BMP8B: variants seen among roughly 807,000 people sequenced by gnomAD.
The protein encoded by BMP8B is bone morphogenetic protein 8 (osteogenic protein 2).
Under a neutral mutation model 30.3 loss-of-function variants are expected in BMP8B, and 17 were observed. The ratio of observed to expected loss-of-function variants is 0.56; its 90% CI spans 0.38 to 0.84. The LOEUF (loss-of-function observed/expected upper bound fraction) is 0.84, where lower values mean the gene tolerates loss of function less well. Ranked by LOEUF, BMP8B falls within the 40% of genes least tolerant of loss-of-function variation. The probability of loss-of-function intolerance (pLI) is 0.00; values close to 1 mark genes in which losing one functional copy is unlikely to be tolerated. For missense variants in BMP8B, 253 were observed against 494.6 expected, an observed-to-expected ratio of 0.51 and a Z score of 4.63; for synonymous variants, 131 against 214.7, an observed-to-expected ratio of 0.61 and a Z score of 3.41.
At chr1:39,776,977 G>T (rs1201069969) in intron 1 of BMP8B, among the ~76,000 whole-genome samples, 1 of 152,232 alleles carries the variant, frequency 6.6e-6, no homozygotes, top group Non-Finnish European at 1.5e-5. Context: ...GAAGGAAACA[G>T]AAAAGGTTAT....
chr1:39,762,717 G>A, intron 6 of BMP8B: 1 of 1,447,676 alleles, frequency 6.9e-7, no homozygotes, highest in East Asian at 2.5e-5. Context: ...AGACTTGCCA[G>A]CGTACTCGGC....
intron 1 of BMP8B, among the ~76,000 whole-genome samples, chr1:39,779,007 G>A (rs1650432425): frequency 6.6e-6 from 1 of 152,214 alleles, no homozygotes; most frequent in East Asian, 1.9e-4. Flanking sequence ...GGGACAGAGG[G>A]TTTCCAGGGT....
chr1:39,760,273 G>T lies in BMP8B; in HGVS notation c.*146C>A. 1 of 1,308,224 alleles carries T rather than the reference G, an allele frequency of 7.6e-7. No individual in the cohort carries two copies. Among genetic ancestry groups the T allele is most frequent in the Non-Finnish European group, 1.0e-6 (1 of 968,912 alleles). 81.0% of individuals were successfully genotyped at this position (1,308,224 alleles called of 1,614,324 possible). On this transcript the variant is annotated 3_prime_UTR_variant, in exon 7 of 7. Coordinates refer to ENST00000372827, the MANE Select transcript of BMP8B (RefSeq NM_001720.5). ...CAAGGGGAGCATAGGAGCCTGGCAT[G>T]AAGGAGAAAGGGTCATGTACGTGGT... is the stretch of plus-strand genomic sequence containing the variant.
At chr1:39,775,836 A>G (rs1650186788) in intron 1 of BMP8B, among the ~76,000 whole-genome samples, 1 of 152,068 alleles carries the variant, frequency 6.6e-6, no homozygotes, top group South Asian at 2.1e-4. Flanking sequence ...GTGCTGGGGA[A>G]GTCGGAGGGT....
rs574976849 is a variant in BMP8B at position 39,763,518 on chromosome 1, T to A, written c.948+194A>T. Among the ~76,000 whole-genome samples the A allele has an allele frequency of 3.6e-4, 51 of 143,342 alleles. 7 individuals are homozygous for A. Among genetic ancestry groups the A allele is most frequent in the South Asian group, 2.2e-3 (10 of 4,488 alleles). The allele number at this position is 143,342 out of a possible 152,430, so 94.0% of individuals were successfully genotyped here. On this transcript the variant is annotated intron_variant, in intron 5 of 6. Transcript: ENST00000372827. ...GATTCAGTCTTCATTTTCATGGTTT[T>A]AAAAAAAACAAAAAACTGAACAAAA...
At chr1:39,783,328 T>G (rs1311197292) in intron 1 of BMP8B, among the ~76,000 whole-genome samples, 5 of 152,116 alleles carry the variant, frequency 3.3e-5, no homozygotes, top group Non-Finnish European at 4.4e-5. Context: ...AGACTCAGCT[T>G]CCTCCTCTGT....
At chr1:39,778,068 G>C (rs578169451) in intron 1 of BMP8B, among the ~76,000 whole-genome samples, 1 of 152,368 alleles carries the variant, frequency 6.6e-6, no homozygotes, top group Non-Finnish European at 1.5e-5. Context: ...GGTGGACATG[G>C]GAGGCTCGCA....
intron 1 of BMP8B, among the ~76,000 whole-genome samples, chr1:39,785,340 C>T: frequency 6.9e-6 from 1 of 144,640 alleles, no homozygotes; most frequent in Non-Finnish European, 1.5e-5. Flanking sequence ...CCATCACTGT[C>T]CTGCCCAAGA....
chr1:39,770,359 C>G, intron 3 of BMP8B: 1 of 1,594,922 alleles, frequency 6.3e-7, no homozygotes, highest in Non-Finnish European at 8.5e-7. Flanking sequence ...TGATGCGCGT[C>G]CTGGCGTCCT....
At chr1:39,763,238 T>A in intron 5 of BMP8B, 36 bp from the exon 6 acceptor site, 1 of 1,562,834 alleles carries the variant, frequency 6.4e-7, no homozygotes, top group Non-Finnish European at 8.7e-7. Context: ...CCCATCCATG[T>A]GCCCCTCCCT....
At chr1:39,785,753 C>T (rs1254014783) in intron 1 of BMP8B, among the ~76,000 whole-genome samples, 1 of 152,198 alleles carries the variant, frequency 6.6e-6, no homozygotes, top group Non-Finnish European at 1.5e-5. Context: ...GAAGGGCCAC[C>T]AACCTCCAGG....
intron 1 of BMP8B, among the ~76,000 whole-genome samples, chr1:39,777,398 A>G (rs1280403494): frequency 6.6e-6 from 1 of 152,190 alleles, no homozygotes; most frequent in Non-Finnish European, 1.5e-5. Flanking sequence ...TGAATCACCA[A>G]CCTGTGCTGA....
At chr1:39,763,064 G>C in intron 6 of BMP8B, 28 bp downstream of exon 6, 3 of 1,609,920 alleles carry the variant, frequency 1.9e-6, no homozygotes, top group Non-Finnish European at 2.6e-6. Flanking sequence ...CACCCCAGGG[G>C]GCTGGGCAGG....
rs1460392689 is a variant in BMP8B, at chr1:39,760,166, GT to G, written c.*252del. On this transcript the variant is annotated 3_prime_UTR_variant, in exon 7 of 7. Transcript: ENST00000372827. ...GCCAGGACATGCCTCCGGGAGAGGC[GT>G]TTGCATTTGGGTAGAACACTGCCTG... is the stretch of plus-strand genomic sequence containing the variant. The G allele has an allele frequency of 1.6e-6, 1 of 608,138 alleles. No individual in the cohort carries two copies. The highest frequency in any genetic ancestry group is 3.1e-5 in the East Asian group (1 of 32,368). 37.7% of individuals were successfully genotyped at this position (608,138 alleles called of 1,614,324 possible).
chr1:39,787,431 G>A (rs1651060056), intron 1 of BMP8B, among the ~76,000 whole-genome samples: 1 of 152,186 alleles, frequency 6.6e-6, no homozygotes, highest in African/African-American at 2.4e-5. Context: ...TGAGATCTTA[G>A]GGAATAAATA....
chr1:39,762,972 G>A (rs1312392146), intron 6 of BMP8B, 120 bp downstream of exon 6: 1 of 1,286,128 alleles, frequency 7.8e-7, no homozygotes, highest in Non-Finnish European at 1.1e-6. Flanking sequence ...TGACTGTGCA[G>A]ACAAAGCCCC....
chr1:39,770,607 G>C lies in BMP8B; in HGVS notation c.673+3701C>G, dbSNP rs775283847. The C allele has an allele frequency of 3.3e-5, 52 of 1,592,356 alleles. 1 individual carries two copies. The highest frequency in any genetic ancestry group is 4.2e-5 in the Non-Finnish European group (49 of 1,171,058). On this transcript the variant is annotated intron_variant, in intron 3 of 6. Transcript: ENST00000372827. ...CTCCTGAAGACCACGTTTCCTGCCCGGTCGGCCTTCCACCCTTTCACCAGG... is the reference window on the plus strand; with the variant it reads ...CTCCTGAAGACCACGTTTCCTGCCCCGTCGGCCTTCCACCCTTTCACCAGG...
intron 1 of BMP8B, among the ~76,000 whole-genome samples, chr1:39,784,127 C>T (rs1321017120): frequency 6.6e-6 from 1 of 152,092 alleles, no homozygotes; most frequent in Non-Finnish European, 1.5e-5. Context: ...TGCTCTGAGC[C>T]TCTCTCTCCT....
rs967074940 is a variant in BMP8B at position 39,760,304 on chromosome 1, G to C, written c.*115C>G. 7 of 1,493,566 alleles carry C rather than the reference G, an allele frequency of 4.7e-6. No homozygotes were observed. Among genetic ancestry groups the C allele is most frequent in the Non-Finnish European group, 6.3e-6 (7 of 1,108,560 alleles). 92.5% of individuals were successfully genotyped at this position (1,493,566 alleles called of 1,614,324 possible). ...GAAAGGGTCATGTACGTGGTTGTGAGGGTCCTCCCTGGCAATGCCCCGGCC... is the reference window on the plus strand; with the variant it reads ...GAAAGGGTCATGTACGTGGTTGTGACGGTCCTCCCTGGCAATGCCCCGGCC... On this transcript the variant is annotated 3_prime_UTR_variant, in exon 7 of 7. Transcript: ENST00000372827.
Sources: gnomAD v4.1 joint callset for allele counts (sites outside exome capture counted in the v4.1 genomes callset) on GRCh38, gnomAD v4.1.1 for gene constraint, MANE v1.5 for transcripts, NCBI Gene and HGNC (gene_info 2026-07-23, HGNC 2026-07-21) for gene names.